The following SASH1 variants were observed in gnomAD, a reference collection of about 807,000 sequenced individuals.
SASH1 encodes the protein SAM and SH3 domain-containing protein 1.
A neutral mutation model predicts 125.2 loss-of-function variants in SASH1; 44 were observed. The observed-to-expected ratio is 0.35, with a 90% CI of 0.28 to 0.45. The LOEUF is 0.45. Ranked by LOEUF, SASH1 falls within the 20% of genes least tolerant of loss-of-function variation. The pLI is 1.00. For synonymous variants in SASH1, 639 were observed against 649.1 expected, an observed-to-expected ratio of 0.98 and a Z score of 0.24; for missense variants, 1,426 against 1,614.5, an observed-to-expected ratio of 0.88 and a Z score of 2.00.
the SASH1 span, among the ~76,000 whole-genome samples, chr6:148,204,187 G>A: frequency 0.011 from 1,732 of 152,316 alleles, 15 homozygotes; most frequent in Admixed American, 0.02. Context: ...GTAGGGTAAC[G>A]CTTTCTACAG....
At chr6:148,371,264 G>A (rs1186590312) in intron 1 of SASH1, among the ~76,000 whole-genome samples, 1 of 151,970 alleles carries the variant, frequency 6.6e-6, no homozygotes, top group African/African-American at 2.4e-5. Context: ...TATATCTATG[G>A]AGCACCTAGT....
chr6:148,340,550 C>T (rs1781290868), upstream of SASH1, among the ~76,000 whole-genome samples: 1 of 151,150 alleles, frequency 6.6e-6, no homozygotes, highest in African/African-American at 2.4e-5. Flanking sequence ...TATACCAATA[C>T]AGTCAACTGT....
chr6:148,498,234 CAAA>C (rs67287043), intron 8 of SASH1, among the ~76,000 whole-genome samples: 7 of 133,544 alleles, frequency 5.2e-5, no homozygotes, highest in African/African-American at 5.3e-5. Flanking sequence ...AACAAACAAA[CAAA>C]AAAAAAAAAA....
chr6:148,365,240 C>T (rs575549920), intron 1 of SASH1, among the ~76,000 whole-genome samples: 116 of 152,216 alleles, frequency 7.6e-4, no homozygotes, highest in African/African-American at 2.6e-3. Context: ...ATATGATTTA[C>T]AACCCATGAT....
intron 1 of SASH1, among the ~76,000 whole-genome samples, chr6:148,282,888 G>A (rs1779380049): frequency 1.3e-5 from 2 of 152,088 alleles, no homozygotes; most frequent in Admixed American, 1.3e-4. Flanking sequence ...ATTTCTCCGT[G>A]TCATCAGAAC....
intron 1 of SASH1, among the ~76,000 whole-genome samples, chr6:148,276,971 AT>A (rs1320038735): frequency 1.2e-4 from 18 of 152,130 alleles, no homozygotes; most frequent in Admixed American, 7.2e-4. Flanking sequence ...CTTACATACC[AT>A]TTACTATGTG....
At position 148,539,677 on chromosome 6, in the gene SASH1, G is replaced by A. The variant is rs575041471; in HGVS notation, c.2096-766G>A. ...TATCTGTTACTCAGCTTCCAAGTTC[G>A]AGGGTTTCCTAAGCTTTCCCCAGCT... On this transcript the variant is annotated intron_variant, in intron 16 of 19. Transcript: ENST00000367467. Among the ~76,000 whole-genome samples the A allele has an allele frequency of 8.5e-5, 13 of 152,228 alleles. No individual in the cohort carries two copies. In the East Asian group the frequency reaches 1.7e-3, roughly 20 times the overall value.
chr6:148,546,195 C>T lies in SASH1; in HGVS notation c.3480+49C>T, dbSNP rs774638534. 10 of 1,593,528 alleles carry T rather than the reference C, an allele frequency of 6.3e-6. No individual in the cohort carries two copies. The Admixed American group carries it at 7.0e-5, about 11-fold the overall frequency. ...CTTCCTGAGGCACATTTAGTGATCA[C>T]GCTTAGTGATGACCATACTAACAAC... On this transcript the variant is annotated intron_variant, in intron 19 of 19. Coordinates refer to ENST00000367467, the MANE Select transcript of SASH1 (RefSeq NM_015278.5).
chr6:148,294,936 G>A (rs1779725467), intron 1 of SASH1, among the ~76,000 whole-genome samples: 1 of 152,130 alleles, frequency 6.6e-6, no homozygotes, highest in Non-Finnish European at 1.5e-5. Flanking sequence ...AAAAACACTG[G>A]CACAGCCATT....
chr6:148,269,184 G>A (rs920905046), upstream of SASH1, among the ~76,000 whole-genome samples: 1 of 152,188 alleles, frequency 6.6e-6, no homozygotes, highest in Non-Finnish European at 1.5e-5. Flanking sequence ...ATAAATGCTT[G>A]GAGTCCCATG....
chr6:148,527,384 T>C (rs967560602), intron 11 of SASH1, 69 bp from the exon 12 acceptor site: 2 of 1,373,958 alleles, frequency 1.5e-6, no homozygotes, highest in South Asian at 2.9e-5. Flanking sequence ...AGGATGTTAA[T>C]GGTTTAAATA....
At chr6:148,319,963 A>T (rs1457585272) in intron 1 of SASH1, among the ~76,000 whole-genome samples, 1 of 152,192 alleles carries the variant, frequency 6.6e-6, no homozygotes, top group Non-Finnish European at 1.5e-5. Flanking sequence ...TGACTCAGTT[A>T]TCAGATTGAC....
chr6:148,468,146 G>A (rs753786866), intron 4 of SASH1, among the ~76,000 whole-genome samples: 2 of 152,138 alleles, frequency 1.3e-5, no homozygotes, highest in Non-Finnish European at 2.9e-5. Flanking sequence ...TCATCTGTGG[G>A]CCCAAGTGGC....
chr6:148,353,109 C>T (rs1016698689), intron 1 of SASH1, among the ~76,000 whole-genome samples: 7 of 151,950 alleles, frequency 4.6e-5, no homozygotes, highest in African/African-American at 7.3e-5. Context: ...CCCTGTGTCA[C>T]GCAGGCTGGA....
intron 1 of SASH1, among the ~76,000 whole-genome samples, chr6:148,365,055 G>A (rs535108322): frequency 4.6e-5 from 7 of 152,076 alleles, no homozygotes; most frequent in East Asian, 1.9e-4. Flanking sequence ...CCTGAGAGGC[G>A]GAGGTTGCAG....
chr6:148,520,966 A>G (rs1395829829), intron 10 of SASH1, among the ~76,000 whole-genome samples: 6 of 152,160 alleles, frequency 3.9e-5, no homozygotes, highest in Non-Finnish European at 7.3e-5. Context: ...CCATGTTCTT[A>G]TCTTTATAAA....
chr6:148,445,847 G>A (rs963664392), intron 4 of SASH1, among the ~76,000 whole-genome samples: 5 of 152,170 alleles, frequency 3.3e-5, no homozygotes, highest in Non-Finnish European at 7.3e-5. Flanking sequence ...ACTACCGGTT[G>A]TAGAAGGCTC....
the SASH1 span, among the ~76,000 whole-genome samples, chr6:148,202,679 G>A: frequency 6.6e-6 from 1 of 152,212 alleles, no homozygotes; most frequent in Non-Finnish European, 1.5e-5. Context: ...ATAAGGTGAG[G>A]AGCAGTGGCT....
chr6:148,359,112 A>ATG (rs35539411), intron 1 of SASH1, among the ~76,000 whole-genome samples: 23,878 of 151,796 alleles, frequency 0.16, 2,068 homozygotes, highest in African/African-American at 0.24. Flanking sequence ...ATGTATATAT[A>ATG]GGCATACTTC....
Sources: gnomAD v4.1 joint callset for allele counts (sites outside exome capture counted in the v4.1 genomes callset) on GRCh38, gnomAD v4.1.1 for gene constraint, MANE v1.5 for transcripts, NCBI Gene and HGNC (gene_info 2026-07-23, HGNC 2026-07-21) for gene names.